The following AGAP1 variants were observed in gnomAD, a reference collection of about 807,000 sequenced individuals.
AGAP1 encodes the protein ArfGAP with GTPase domain, ankyrin repeat and PH domain 1, also known as arf-GAP with GTPase, ANK repeat and PH domain-containing protein 1.
AGAP1 carries 29 observed loss-of-function variants against 105.3 expected under a neutral mutation model. The observed-to-expected ratio is 0.28, with a 90% confidence interval of 0.21 to 0.38. The LOEUF is 0.38. Among genes scored for constraint, AGAP1 ranks in the 10% least tolerant of loss-of-function variants. The pLI, the probability that AGAP1 is intolerant of heterozygous loss-of-function variation, is 1.00. For synonymous variants in AGAP1, 509 were observed against 485.9 expected (o/e 1.05, Z -0.63); for missense variants, 998 against 1,165.1 (o/e 0.86, Z 2.09).
Position 235,979,399 on chromosome 2 carries a change from G to A in AGAP1, c.1645+10776G>A, listed in dbSNP as rs142870553. Among the ~76,000 whole-genome samples the A allele has an allele frequency of 6.6e-6, 1 of 152,274 alleles. No homozygotes were observed. Among genetic ancestry groups the A allele is most frequent in the Non-Finnish European group, 1.5e-5 (1 of 68,024 alleles). On this transcript the variant is annotated intron_variant, in intron 13 of 17. Coordinates refer to ENST00000304032, the MANE Select transcript of AGAP1 (RefSeq NM_001037131.3). This position sits in a 1 kb window ranked among gnomAD's most constrained non-coding sequence, Gnocchi z 4.5. ...GTTAATCAAATGCCTGTCTCGCCTG[G>A]CTGCGGGGTCCGATCATAGTTACTG... is the stretch of plus-strand genomic sequence containing the variant.
intron 11 of AGAP1, among the ~76,000 whole-genome samples, chr2:235,909,448 T>C (rs916938162): frequency 3.3e-5 from 5 of 152,252 alleles, no homozygotes; most frequent in Non-Finnish European, 7.3e-5. Context: ...TTTTCTCAAA[T>C]GTTGATGTGT....
At chr2:235,968,374 G>A (rs565158171) in intron 12 of AGAP1, 88 bp from the exon 13 acceptor site, 177 of 1,472,962 alleles carry the variant, frequency 1.2e-4, no homozygotes, top group Non-Finnish European at 1.5e-4. Flanking sequence ...TGAGAGGAGC[G>A]TGGCTGTGCT....
At chr2:235,613,769 C>A (rs1946217734) in intron 1 of AGAP1, among the ~76,000 whole-genome samples, 1 of 152,184 alleles carries the variant, frequency 6.6e-6, no homozygotes, top group Non-Finnish European at 1.5e-5. Context: ...TTAAAATATT[C>A]CTTTGTGAAT....
At chr2:235,895,517 G>T (rs1002716747) in intron 10 of AGAP1, among the ~76,000 whole-genome samples, 1 of 152,096 alleles carries the variant, frequency 6.6e-6, no homozygotes, top group African/African-American at 2.4e-5. Flanking sequence ...TCCAATCCTG[G>T]CTTAAATGCT....
intron 1 of AGAP1, among the ~76,000 whole-genome samples, chr2:235,518,292 G>T (rs1034954722): frequency 6.6e-6 from 1 of 152,184 alleles, no homozygotes; most frequent in African/African-American, 2.4e-5. Flanking sequence ...CCCAGCTTTG[G>T]GCAACCAGAT....
At chr2:235,878,088 G>A (rs1278105742) in intron 9 of AGAP1, among the ~76,000 whole-genome samples, 1 of 152,212 alleles carries the variant, frequency 6.6e-6, no homozygotes, top group Non-Finnish European at 1.5e-5. Flanking sequence ...TCTGCACACT[G>A]CTGCCCCTCA....
Position 235,557,819 on chromosome 2 carries a change from C to T in AGAP1, c.163+62970C>T, listed in dbSNP as rs114619231. Among the ~76,000 whole-genome samples the T allele has an allele frequency of 5.7e-3, 866 of 152,260 alleles. 8 individuals carry two copies. The highest frequency in any genetic ancestry group is 0.02 in the African/African-American group (838 of 41,550). ...AACAACGGACTTGGCTACATTTCGA[C>T]AAGGGGAAGTTAGACACTTTAGATT... On this transcript the variant is annotated intron_variant, in intron 1 of 17. Transcript: ENST00000304032. The surrounding 1 kb of genome is among the most constrained non-coding windows in gnomAD (Gnocchi z 4.7).
intron 1 of AGAP1, among the ~76,000 whole-genome samples, chr2:235,613,182 G>A (rs1946195782): frequency 6.6e-6 from 1 of 152,038 alleles, no homozygotes; most frequent in Non-Finnish European, 1.5e-5. Flanking sequence ...TTTTAGTAGA[G>A]ACTGGATTTC....
At chr2:235,541,303 C>T (rs1322742713) in intron 1 of AGAP1, among the ~76,000 whole-genome samples, 5 of 151,718 alleles carry the variant, frequency 3.3e-5, no homozygotes, top group African/African-American at 1.2e-4. Context: ...GGCCTCTTCT[C>T]CATTTACTTT....
rs1463520821 is a variant in AGAP1 at position 235,855,632 on chromosome 2, G to A, written c.1051-27713G>A. Among the ~76,000 whole-genome samples the A allele has an allele frequency of 6.6e-6, 1 of 152,112 alleles. No homozygotes were observed. Among genetic ancestry groups the A allele is most frequent in the Non-Finnish European group, 1.5e-5 (1 of 68,010 alleles). On this transcript the variant is annotated intron_variant, in intron 9 of 17. Coordinates refer to ENST00000304032, the MANE Select transcript of AGAP1 (RefSeq NM_001037131.3). The surrounding 1 kb of genome is among the most constrained non-coding windows in gnomAD (Gnocchi z 5.0). ...TTGATTTTGATATTATAAATACACA[G>A]CTACTCATCTCATTCTCTTATCTCC...
At chr2:235,532,245 G>A (rs1370068867) in intron 1 of AGAP1, among the ~76,000 whole-genome samples, 5 of 152,042 alleles carry the variant, frequency 3.3e-5, no homozygotes, top group Non-Finnish European at 7.4e-5. Context: ...CTAAGACAAA[G>A]TCTCTCTCTT....
intron 13 of AGAP1, among the ~76,000 whole-genome samples, chr2:236,034,826 C>G (rs1383287214): frequency 2.0e-5 from 3 of 152,206 alleles, no homozygotes; most frequent in African/African-American, 7.2e-5. Flanking sequence ...CTGTCAGCAC[C>G]TAGGGAGTCA....
Position 235,569,529 on chromosome 2 carries a change from T to A in AGAP1, c.163+74680T>A, listed in dbSNP as rs1189075053. Among the ~76,000 whole-genome samples, 2 of 152,186 alleles carry A rather than the reference T, an allele frequency of 1.3e-5. No homozygotes were observed. The highest frequency in any genetic ancestry group is 6.5e-5 in the Admixed American group (1 of 15,286). On this transcript the variant is annotated intron_variant, in intron 1 of 17. Transcript: ENST00000304032. The surrounding 1 kb of genome is among the most constrained non-coding windows in gnomAD (Gnocchi z 5.9). ...AATGGAAAGCAAACCTGGCCTCTTG[T>A]ACCTCTGAGCCCCGAATTCTGCCCT...
At chr2:235,530,747 C>T (rs193253709) in intron 1 of AGAP1, among the ~76,000 whole-genome samples, 1 of 152,212 alleles carries the variant, frequency 6.6e-6, no homozygotes, top group Admixed American at 6.5e-5. Flanking sequence ...AATGATTTCC[C>T]TGTCTTAAAA....
intron 11 of AGAP1, among the ~76,000 whole-genome samples, chr2:235,926,743 G>GAAGGTCCTGACCAGAGGTC (rs1326201872): frequency 1.3e-5 from 2 of 152,174 alleles, no homozygotes; most frequent in East Asian, 3.9e-4. Context: ...CATATTTTTG[G>GAAGGTCCTGACCAGAGGTC]AAGGTCCTGA....
intron 6 of AGAP1, among the ~76,000 whole-genome samples, chr2:235,784,598 CAA>C (rs71400786): frequency 0.26 from 31,893 of 124,354 alleles, 3,681 homozygotes; most frequent in Admixed American, 0.34. Context: ...CTTATTAAAG[CAA>C]AAAAAAAAAA....
chr2:235,627,729 T>G (rs1055824792), intron 1 of AGAP1, among the ~76,000 whole-genome samples: 3 of 152,108 alleles, frequency 2.0e-5, no homozygotes, highest in African/African-American at 7.2e-5. Context: ...AGTCTCCCAT[T>G]GCAATACTCC....
chr2:235,845,930 C>A lies in AGAP1; in HGVS notation c.1051-37415C>A, dbSNP rs2106420449. Reference sequence around the variant, plus strand: ...CCTTCCTGCACCCCCAGAGTGGCCCCTCCACTCACCCTTCAGCTGCAGCCA... The same window carrying A: ...CCTTCCTGCACCCCCAGAGTGGCCCATCCACTCACCCTTCAGCTGCAGCCA... On this transcript the variant is annotated intron_variant, in intron 9 of 17. Transcript: ENST00000304032. The surrounding 1 kb of genome is among the most constrained non-coding windows in gnomAD (Gnocchi z 4.8). Among the ~76,000 whole-genome samples, 1 of 152,260 alleles carries A rather than the reference C, an allele frequency of 6.6e-6. No homozygotes were observed. The highest frequency in any genetic ancestry group is 1.9e-4 in the East Asian group (1 of 5,170).
intron 16 of AGAP1, among the ~76,000 whole-genome samples, chr2:236,063,193 A>G (rs2058252869): frequency 6.6e-6 from 1 of 152,040 alleles, no homozygotes; most frequent in South Asian, 2.1e-4. Flanking sequence ...TCCCAGGTTC[A>G]AGTGATTCTC....
Sources: allele counts gnomAD v4.1 joint callset (sites outside exome capture counted in the v4.1 genomes callset), GRCh38; gene constraint gnomAD v4.1.1; non-coding constraint Gnocchi (gnomAD v3.1); transcripts MANE v1.5; gene names NCBI Gene and HGNC (gene_info 2026-07-23, HGNC 2026-07-21).